SLC25A48: variants seen among roughly 807,000 people sequenced by gnomAD.
SLC25A48 encodes the protein solute carrier family 25 member 48, also known as CTC-321K16.1.
Under a neutral mutation model 32.2 loss-of-function variants are expected in SLC25A48, and 29 were observed. The ratio of observed to expected loss-of-function variants is 0.90; its 90% CI spans 0.67 to 1.23. The LOEUF is 1.23. Ranked by LOEUF, SLC25A48 falls within the 50% of genes most tolerant of loss-of-function variation. The probability of loss-of-function intolerance (pLI) is 0.00; values close to 1 mark genes in which losing one functional copy is unlikely to be tolerated. For synonymous variants in SLC25A48, 164 were observed against 172.3 expected (o/e 0.95, Z 0.38); for missense variants, 399 against 422.7 (o/e 0.94, Z 0.49).
intron 3 of SLC25A48, among the ~76,000 whole-genome samples, chr5:135,672,195 C>T (rs1046951440): frequency 5.3e-5 from 8 of 152,136 alleles, no homozygotes; most frequent in African/African-American, 1.4e-4. Context: ...AACCCAATCA[C>T]GAACCCTTCT....
intron 6 of SLC25A48, 77 bp from the exon 7 acceptor site, chr5:135,879,891 C>G: frequency 6.6e-7 from 1 of 1,506,264 alleles, no homozygotes; most frequent in Non-Finnish European, 8.9e-7. Context: ...GCACCACTAG[C>G]TATTCTCTGC....
chr5:135,711,928 C>T (rs1754676111), intron 3 of SLC25A48, among the ~76,000 whole-genome samples: 2 of 151,494 alleles, frequency 1.3e-5, no homozygotes, highest in African/African-American at 4.8e-5. Context: ...CCCCCTGCCT[C>T]TAGTGTCCCC....
chr5:135,831,049 G>T (rs370719127), upstream of SLC25A48, among the ~76,000 whole-genome samples: 1 of 152,194 alleles, frequency 6.6e-6, no homozygotes, highest in Non-Finnish European at 1.5e-5. Flanking sequence ...ATCTGAAGGA[G>T]GTAGGAGTCG....
rs1317829625 is a variant in SLC25A48 at position 135,873,052 on chromosome 5, C to T, written c.680-969C>T. On this transcript the variant is annotated intron_variant, in intron 5 of 7. Coordinates refer to ENST00000681962, the MANE Select transcript of SLC25A48 (RefSeq NM_001349336.2). ...AAATCCCGTTTTGTGATGCCCTCAC[C>T]CATGGGCTGAGGGGCAAGGGAGTGC... Among the ~76,000 whole-genome samples, 3 of 152,150 alleles carry T rather than the reference C, an allele frequency of 2.0e-5. No individual in the cohort carries two copies. In the East Asian group the frequency reaches 5.8e-4, roughly 29 times the overall value.
intron 3 of SLC25A48, chr5:135,635,047 T>G (rs984071788): frequency 6.6e-5 from 10 of 152,208 alleles, no homozygotes; most frequent in Admixed American, 3.3e-4. Flanking sequence ...CCATCCTTCT[T>G]CCCGGTGGCC....
chr5:135,846,220 C>T (rs1159472475), intron 2 of SLC25A48, among the ~76,000 whole-genome samples: 1 of 152,176 alleles, frequency 6.6e-6, no homozygotes, highest in Non-Finnish European at 1.5e-5. Flanking sequence ...ACCATCACCC[C>T]ACCCTGGTCT....
chr5:135,639,162 G>A (rs1238751963), intron 3 of SLC25A48, among the ~76,000 whole-genome samples: 5 of 152,124 alleles, frequency 3.3e-5, no homozygotes, highest in African/African-American at 9.7e-5. Context: ...ATGTTCTTTT[G>A]GGCAACAGTT....
intron 7 of SLC25A48, chr5:135,883,332 G>GAACAA (rs1182997325): frequency 1.0e-6 from 1 of 985,336 alleles, no homozygotes; most frequent in Non-Finnish European, 1.2e-6. Context: ...CAAACGAACA[G>GAACAA]AACAAAACAA....
chr5:135,778,689 C>A (rs559688840), intron 3 of SLC25A48, among the ~76,000 whole-genome samples: 107 of 148,294 alleles, frequency 7.2e-4, no homozygotes, highest in Non-Finnish European at 1.3e-3. Context: ...GCTGTACACC[C>A]TTTTGTAATA....
intron 3 of SLC25A48, among the ~76,000 whole-genome samples, chr5:135,806,070 T>C (rs1757456611): frequency 6.6e-6 from 1 of 151,744 alleles, no homozygotes; most frequent in Admixed American, 6.6e-5. Flanking sequence ...ATATTATCCC[T>C]AATATCTCAG....
At chr5:135,690,895 C>T (rs1274726469) in intron 3 of SLC25A48, among the ~76,000 whole-genome samples, 3 of 151,954 alleles carry the variant, frequency 2.0e-5, no homozygotes, top group Non-Finnish European at 2.9e-5. Flanking sequence ...CAAAGCTGTC[C>T]TGTAATTCAT....
At chr5:135,849,018 C>T (rs576062238) in intron 2 of SLC25A48, among the ~76,000 whole-genome samples, 5 of 152,268 alleles carry the variant, frequency 3.3e-5, no homozygotes, top group African/African-American at 4.8e-5. Flanking sequence ...TATTTCCATA[C>T]GAGTTGTGTA....
At position 135,789,946 on chromosome 5, in the gene SLC25A48, C is replaced by A. The variant is rs551473601; in HGVS notation, c.-520-22577C>A. ...CAAATAATTTCTCAAGGTGTACACT[C>A]ACTGTGACATTAGGAGTAACATTTC... On this transcript the variant is annotated intron_variant, in intron 3 of 10. Coordinates refer to the SLC25A48 transcript ENST00000646290. Among the ~76,000 whole-genome samples the A allele has an allele frequency of 2.0e-5, 3 of 151,934 alleles. No individual in the cohort carries two copies. The South Asian group carries it at 6.2e-4, about 32-fold the overall frequency.
chr5:135,754,146 G>A (rs1755838244), intron 3 of SLC25A48, among the ~76,000 whole-genome samples: 1 of 151,924 alleles, frequency 6.6e-6, no homozygotes, highest in Non-Finnish European at 1.5e-5. Context: ...TGCACAGGGT[G>A]TACCCTTACT....
At chr5:135,799,545 AC>A (rs1447929571) in intron 3 of SLC25A48, among the ~76,000 whole-genome samples, 1 of 149,834 alleles carries the variant, frequency 6.7e-6, no homozygotes, top group Non-Finnish European at 1.5e-5. Context: ...GGATGTGTAC[AC>A]CCCCCTGTTG....
intron 3 of SLC25A48, among the ~76,000 whole-genome samples, chr5:135,787,986 C>T (rs11242283): frequency 0.24 from 37,057 of 151,826 alleles, 4,972 homozygotes; most frequent in East Asian, 0.43. Context: ...GGTGATGTTA[C>T]TCCAAATGTC....
intron 1 of SLC25A48, among the ~76,000 whole-genome samples, chr5:135,583,576 G>A (rs1460803059): frequency 6.6e-6 from 1 of 151,762 alleles, no homozygotes; most frequent in Non-Finnish European, 1.5e-5. Flanking sequence ...TTGTACATAT[G>A]AGGAAACTGA....
chr5:135,815,965 A>G (rs1423440890), intron 4 of SLC25A48, among the ~76,000 whole-genome samples: 5 of 152,240 alleles, frequency 3.3e-5, no homozygotes, highest in African/African-American at 1.2e-4. Flanking sequence ...TGGGTAATTT[A>G]TAAACAAAAG....
At chr5:135,823,460 C>T (rs558698786) in intron 4 of SLC25A48, among the ~76,000 whole-genome samples, 8 of 152,312 alleles carry the variant, frequency 5.3e-5, no homozygotes, top group South Asian at 2.1e-4. Context: ...ATAAAGACTT[C>T]GTTCCTGGCC....
Sources: allele counts gnomAD v4.1 joint callset (sites outside exome capture counted in the v4.1 genomes callset), GRCh38; gene constraint gnomAD v4.1.1; transcripts MANE v1.5; gene names NCBI Gene and HGNC (gene_info 2026-07-23, HGNC 2026-07-21).